COL5A2: variants seen among roughly 807,000 people sequenced by gnomAD.
The protein encoded by COL5A2 is collagen type V alpha 2 chain.
In COL5A2, 23 loss-of-function variants were observed where a neutral mutation model predicts 208.2. That is an observed-to-expected ratio of 0.11 (90% CI 0.08 to 0.16). The LOEUF is 0.16. Ranked by LOEUF, COL5A2 falls within the 10% of genes least tolerant of loss-of-function variation. The pLI is 1.00. For synonymous variants in COL5A2, 625 were observed against 628.5 expected, an observed-to-expected ratio of 0.99 and a Z score of 0.08; for missense variants, 1,590 against 1,956.4, an observed-to-expected ratio of 0.81 and a Z score of 3.53.
At chr2:189,192,989 G>A (rs764354800) in intron 1 of COL5A2, among the ~76,000 whole-genome samples, 10 of 152,144 alleles carry the variant, frequency 6.6e-5, no homozygotes, top group Admixed American at 3.9e-4. Flanking sequence ...ACAAGAGGAC[G>A]CATTTGGTCC....
chr2:189,087,373 A>C (rs1425701335), intron 8 of COL5A2, among the ~76,000 whole-genome samples: 2 of 152,176 alleles, frequency 1.3e-5, no homozygotes, highest in African/African-American at 4.8e-5. Flanking sequence ...GAAAACAAAA[A>C]TGCGATTTTA....
the COL5A2 span, among the ~76,000 whole-genome samples, chr2:189,319,971 C>T: frequency 6.6e-6 from 1 of 152,216 alleles, no homozygotes; most frequent in Admixed American, 6.5e-5. Context: ...ACAAAACCTC[C>T]AGAGGAATGA....
chr2:189,414,497 G>A, the COL5A2 span, among the ~76,000 whole-genome samples: 19 of 151,992 alleles, frequency 1.3e-4, no homozygotes, highest in South Asian at 4.0e-3. Context: ...GGTTCTCGCT[G>A]GTAATCCTAG....
At chr2:189,061,484 T>A (rs1352744005) in intron 30 of COL5A2, 78 bp downstream of exon 30, 3 of 1,069,182 alleles carry the variant, frequency 2.8e-6, no homozygotes, top group Non-Finnish European at 1.4e-6. Flanking sequence ...TCAAATCTTC[T>A]GACCATATCT....
chr2:189,089,234 C>A (rs10931393), intron 7 of COL5A2, among the ~76,000 whole-genome samples: 17,438 of 152,204 alleles, frequency 0.11, 1,060 homozygotes, highest in Middle Eastern at 0.18. Context: ...TTGTTCAATG[C>A]CCAGTAAACT....
At chr2:189,168,713 C>G (rs1202848209) in intron 1 of COL5A2, among the ~76,000 whole-genome samples, 2 of 151,874 alleles carry the variant, frequency 1.3e-5, no homozygotes, top group African/African-American at 4.8e-5. Flanking sequence ...TTCAGAATTC[C>G]ATAATAAAAA....
At chr2:189,197,239 A>C (rs959986118) in intron 1 of COL5A2, among the ~76,000 whole-genome samples, 3 of 152,180 alleles carry the variant, frequency 2.0e-5, no homozygotes, top group Admixed American at 2.0e-4. Context: ...CAATGAGAAC[A>C]CATGGACACA....
In COL5A2 at chr2:189,157,832, A is replaced by T. The variant is rs752243942; in HGVS notation, c.97+21676T>A. ...AATGAAATCACTGCAATAATAAACTACAGTATTTTTAATCTGATATTAGTC... is the reference window on the plus strand; with the variant it reads ...AATGAAATCACTGCAATAATAAACTTCAGTATTTTTAATCTGATATTAGTC... On this transcript the variant is annotated intron_variant, in intron 1 of 53. Transcript: ENST00000374866. Among the ~76,000 whole-genome samples, 62 of 152,052 alleles carry T rather than the reference A, an allele frequency of 4.1e-4. 1 individual carries two copies. Among genetic ancestry groups the T allele is most frequent in the Non-Finnish European group, 5.9e-4 (40 of 67,890 alleles).
chr2:189,251,507 G>A, the COL5A2 span, among the ~76,000 whole-genome samples: 3 of 152,116 alleles, frequency 2.0e-5, no homozygotes, highest in Non-Finnish European at 2.9e-5. Flanking sequence ...TTATTTCCTA[G>A]TTTGAAAGTC....
At chr2:189,221,741 T>G (rs1426244171) in intron 1 of COL5A2, among the ~76,000 whole-genome samples, 1 of 152,152 alleles carries the variant, frequency 6.6e-6, no homozygotes, top group Admixed American at 6.6e-5. Flanking sequence ...TAATAGATCA[T>G]GTCCCTAAGA....
At chr2:189,211,525 T>C (rs1689212823) in intron 1 of COL5A2, among the ~76,000 whole-genome samples, 1 of 152,144 alleles carries the variant, frequency 6.6e-6, no homozygotes, top group African/African-American at 2.4e-5. Context: ...AGTTCTTATA[T>C]ATCAATGAGA....
chr2:189,133,282 G>C lies in COL5A2; in HGVS notation c.98-22833C>G, dbSNP rs1322120991. 6.5e-5 allele frequency among the ~76,000 whole-genome samples: 4 copies of C among 61,698 alleles called. No individual in the cohort carries two copies. In the East Asian group the frequency reaches 2.4e-3, roughly 37 times the overall value. The allele number at this position is 61,698 out of a possible 152,430, so 40.5% of individuals were successfully genotyped here. A position where few individuals can be genotyped will look rare whatever the true frequency, so the allele number is the denominator to read the frequency against. ...ACTACACCACCTGCCACCACGCCTGGCTAATTTTTTGTATTTTTAGTAGAG... is the reference window on the plus strand; with the variant it reads ...ACTACACCACCTGCCACCACGCCTGCCTAATTTTTTGTATTTTTAGTAGAG... On this transcript the variant is annotated intron_variant, in intron 1 of 53. Transcript: ENST00000374866.
intron 31 of COL5A2, among the ~76,000 whole-genome samples, chr2:189,059,585 G>GTTTGTTTTTTTTTTTTTTTTTTTT (rs1685978787): frequency 3.5e-5 from 1 of 28,594 alleles, no homozygotes; most frequent in Non-Finnish European, 7.4e-5. Flanking sequence ...TTCTTTTCTG[G>GTTTGTTTTTTTTTTTTTTTTTTTT]TTTTTTTTTT....
In COL5A2 at chr2:189,094,535, G is replaced by A. The variant is rs552871569; in HGVS notation, c.457-2115C>T. Among the ~76,000 whole-genome samples the A allele has an allele frequency of 2.1e-3, 263 of 128,038 alleles. 3 individuals are homozygous for A. Among genetic ancestry groups the A allele is most frequent in the African/African-American group, 6.7e-3 (240 of 35,778 alleles). The allele number at this position is 128,038 out of a possible 152,430, so 84.0% of individuals were successfully genotyped here. On this transcript the variant is annotated intron_variant, in intron 6 of 53. Coordinates refer to ENST00000374866, the MANE Select transcript of COL5A2 (RefSeq NM_000393.5). ...ACAAGTAGAAAAGACGAATGACCGG[G>A]AACTGTTAAAGAACTTCATTTCTCT...
At chr2:189,389,187 G>A in the COL5A2 span, among the ~76,000 whole-genome samples, 306 of 152,148 alleles carry the variant, frequency 2.0e-3, 1 homozygote, top group African/African-American at 6.7e-3. Context: ...TAAGCCCTTC[G>A]CTGTAGCTAA....
At chr2:189,437,577 G>C in the COL5A2 span, among the ~76,000 whole-genome samples, 1 of 152,198 alleles carries the variant, frequency 6.6e-6, no homozygotes, top group Non-Finnish European at 1.5e-5. Flanking sequence ...CATGAGAACT[G>C]TTAACCTTAA....
intron 30 of COL5A2, 25 bp downstream of exon 30, chr2:189,061,537 A>C: frequency 1.3e-6 from 2 of 1,581,238 alleles, no homozygotes; most frequent in Admixed American, 3.3e-5. Context: ...TGGAAGATGA[A>C]ATGGAAAACC....
chr2:189,324,094 G>C, the COL5A2 span, among the ~76,000 whole-genome samples: 1 of 152,154 alleles, frequency 6.6e-6, no homozygotes, highest in Admixed American at 6.5e-5. Flanking sequence ...TTTAATAAAT[G>C]GTGCTGGGAA....
chr2:189,066,444 T>A lies in COL5A2; in HGVS notation c.1509A>T (p.Arg503Ser). The part of the protein sequence containing the change: ...PIGPPGEEGK[R>S]GPRGDPGTVG... ...CTGTTCCTGGGTCACCTCTGGGACCTCTTTTGCCTTCTTCACCGGGTGGGC... is the reference window on the plus strand; with the variant it reads ...CTGTTCCTGGGTCACCTCTGGGACCACTTTTGCCTTCTTCACCGGGTGGGC... The change falls in exon 23 of 54, where the codon AGA becomes AGT. Residue 503 changes from arginine (R) to serine (S), a missense_variant. Arg to Ser is a moderately radical substitution (Grantham distance 110). Coordinates refer to ENST00000374866, the MANE Select transcript of COL5A2 (RefSeq NM_000393.5). 1.2e-6 allele frequency: 2 copies of A among 1,614,186 alleles called. No individual in the cohort carries two copies. Among genetic ancestry groups the A allele is most frequent in the South Asian group, 2.2e-5 (2 of 91,090 alleles).
Sources: allele counts gnomAD v4.1 joint callset (sites outside exome capture counted in the v4.1 genomes callset), GRCh38; gene constraint gnomAD v4.1.1; transcripts MANE v1.5; gene names NCBI Gene and HGNC (gene_info 2026-07-23, HGNC 2026-07-21).